GC: variants seen among roughly 807,000 people sequenced by gnomAD.
GC encodes GC vitamin D binding protein, also known as vitamin D-binding protein.
In GC, 43 loss-of-function variants were observed where a neutral mutation model predicts 56.7. The ratio of observed to expected loss-of-function variants is 0.76; its 90% CI spans 0.59 to 0.98. The LOEUF is 0.98. Among genes scored for constraint, GC ranks in the 50% least tolerant of loss-of-function variants. GC has a pLI of 0.00. For missense variants in GC, 529 were observed against 545.9 expected, an observed-to-expected ratio of 0.97 and a Z score of 0.31; for synonymous variants, 216 against 202.7, an observed-to-expected ratio of 1.07 and a Z score of -0.56.
At chr4:71,759,237 G>A (rs990365256) in intron 6 of GC, among the ~76,000 whole-genome samples, 7 of 151,990 alleles carry the variant, frequency 4.6e-5, no homozygotes, top group Non-Finnish European at 1.0e-4. Context: ...GAATAATTCT[G>A]CAGTGAACAT....
rs765263877 is a variant in GC at position 71,763,482 on chromosome 4, T to C, written c.627A>G (p.Leu209=). 2 of 1,599,508 alleles carry C rather than the reference T, an allele frequency of 1.3e-6. No individual in the cohort carries two copies. Among genetic ancestry groups the C allele is most frequent in the Non-Finnish European group, 1.7e-6 (2 of 1,167,148 alleles). ...FLKERLQLKH[L]SLLTTLSNRV... is the part of the protein sequence containing the mutation. Reference sequence around the variant, plus strand: ...TATTTGACAGAGTGGTGAGAAGTGATAAATGTTTAAGCTGGAGTCTCTAGA... The same window carrying C: ...TATTTGACAGAGTGGTGAGAAGTGACAAATGTTTAAGCTGGAGTCTCTAGA... Residue 209 remains leucine (L), a synonymous_variant, in exon 6 of 13, where the codon TTA becomes TTG. Coordinates refer to ENST00000273951, the MANE Select transcript of GC (RefSeq NM_000583.4).
intron 1 of GC, among the ~76,000 whole-genome samples, chr4:71,800,788 T>C (rs748042005): frequency 6.6e-5 from 10 of 152,212 alleles, no homozygotes; most frequent in Admixed American, 1.3e-4. Context: ...TGGCATGTGA[T>C]GGTATCTCAT....
At chr4:71,745,924 G>A (rs1741349116) in intron 12 of GC, among the ~76,000 whole-genome samples, 1 of 151,772 alleles carries the variant, frequency 6.6e-6, no homozygotes, top group African/African-American at 2.4e-5. Flanking sequence ...GAAGCACAAG[G>A]CAGGGGACCA....
intron 12 of GC, among the ~76,000 whole-genome samples, chr4:71,742,997 G>C (rs530191055): frequency 3.3e-5 from 5 of 152,134 alleles, no homozygotes; most frequent in Non-Finnish European, 7.4e-5. Context: ...TGGGGGGTAA[G>C]AGACAGAGAT....
upstream of GC, chr4:71,804,169 G>C (rs971890665): frequency 2.8e-5 from 16 of 574,310 alleles, no homozygotes; most frequent in Non-Finnish European, 4.7e-5. Flanking sequence ...GTCAGACACA[G>C]GTATGCAGTG....
At chr4:71,786,358 G>T (rs1043203582), upstream of GC, among the ~76,000 whole-genome samples, 1 of 151,766 alleles carries the variant, frequency 6.6e-6, no homozygotes, top group South Asian at 2.1e-4. Context: ...GAGGCCTCAT[G>T]TGACAATGAT....
chr4:71,797,977 A>G (rs956802371), intron 1 of GC, among the ~76,000 whole-genome samples: 3 of 152,102 alleles, frequency 2.0e-5, no homozygotes, highest in African/African-American at 7.2e-5. Flanking sequence ...ACATATTCCC[A>G]ATGTTTTGTT....
chr4:71,768,453 A>C lies in GC; in HGVS notation c.129-20T>G. On this transcript the variant is annotated intron_variant, in intron 2 of 12. Coordinates refer to ENST00000273951, the MANE Select transcript of GC (RefSeq NM_000583.4). ...AGTGACCTGAGGGGAAAATAAGACA[A>C]TATATCAATTAGAACTGAAAGGTTT... is the stretch of plus-strand genomic sequence containing the variant. 1 of 1,593,500 alleles carries C rather than the reference A, an allele frequency of 6.3e-7. No homozygotes were observed. Among genetic ancestry groups the C allele is most frequent in the Non-Finnish European group, 8.5e-7 (1 of 1,169,726 alleles).
intron 4 of GC, among the ~76,000 whole-genome samples, chr4:71,764,640 A>AT (rs1201125385): frequency 1.3e-5 from 2 of 152,066 alleles, no homozygotes; most frequent in African/African-American, 4.8e-5. Context: ...TAGATTACTT[A>AT]TTTTTTGGAA....
rs76732050 is a variant in GC, at chr4:71,746,011, G to A, written c.*25+140C>T. ...AAGTGTAAGCTCTTTAACTTTTCTC[G>A]GTGCTTAATATTCTCATCTGTAAAA... On this transcript the variant is annotated intron_variant, in intron 12 of 12. Coordinates refer to ENST00000273951, the MANE Select transcript of GC (RefSeq NM_000583.4). 5.1e-4 allele frequency: 266 copies of A among 520,558 alleles called. 1 individual carries two copies. Among genetic ancestry groups the A allele is most frequent in the African/African-American group, 4.7e-3 (234 of 50,042 alleles). The allele number at this position is 520,558 out of a possible 1,614,324, so 32.2% of individuals were successfully genotyped here.
chr4:71,777,845 A>C (rs1045947204), intron 1 of GC, among the ~76,000 whole-genome samples: 2 of 151,538 alleles, frequency 1.3e-5, no homozygotes, highest in African/African-American at 4.8e-5. Context: ...GTGAGAACAC[A>C]TGGACACAGG....
intron 11 of GC, among the ~76,000 whole-genome samples, chr4:71,749,530 C>T (rs912593643): frequency 1.4e-4 from 21 of 152,186 alleles, no homozygotes; most frequent in Non-Finnish European, 2.2e-4. Context: ...CTTCTTCTTT[C>T]GTAATAACAG....
At chr4:71,778,890 A>AGTTATT (rs141990791) in intron 1 of GC, among the ~76,000 whole-genome samples, 3,998 of 19,652 alleles carry the variant, frequency 0.2, 97 homozygotes, top group Admixed American at 0.38. Context: ...TATTGCTGTC[A>AGTTATT]GTTATTATTA....
At chr4:71,746,772 TAAAAAAAAAAAAA>T in intron 11 of GC, among the ~76,000 whole-genome samples, 1 of 100,648 alleles carries the variant, frequency 9.9e-6, no homozygotes, top group East Asian at 3.3e-4. Context: ...CTCTATTTTG[TAAAAAAAAAAAAA>T]AAAAAAAAAA....
intron 3 of GC, 81 bp downstream of exon 3, chr4:71,768,220 T>G: frequency 8.2e-7 from 1 of 1,226,496 alleles, no homozygotes; most frequent in Non-Finnish European, 1.1e-6. Context: ...CTGTCTAAAA[T>G]TTTTTCAACA....
At chr4:71,776,374 G>A (rs1742507761) in intron 1 of GC, among the ~76,000 whole-genome samples, 1 of 151,810 alleles carries the variant, frequency 6.6e-6, no homozygotes, top group African/African-American at 2.4e-5. Flanking sequence ...GATGACCCTG[G>A]AGAACATTAT....
At position 71,784,027 on chromosome 4, in the gene GC, CA is replaced by C; in HGVS notation, c.-10del. 1 of 1,603,106 alleles carries C rather than the reference CA, an allele frequency of 6.2e-7. No homozygotes were observed. Among genetic ancestry groups the C allele is most frequent in the Non-Finnish European group, 8.5e-7 (1 of 1,173,374 alleles). On this transcript the variant is annotated 5_prime_UTR_variant, in exon 1 of 13. An upstream open reading frame in the 5' UTR gains an earlier in-frame stop. Transcript: ENST00000273951. ...ACCAGGACCCTCTTCATTTTTCTAC[CA>C]GAGAGTCTTGCAGCACCTCCTCTCT... is the stretch of plus-strand genomic sequence containing the variant.
chr4:71,757,149 A>G (rs190630234), intron 7 of GC, among the ~76,000 whole-genome samples: 6 of 152,318 alleles, frequency 3.9e-5, no homozygotes, highest in South Asian at 4.1e-4. Context: ...TTGTAGATAA[A>G]ACGACAACAA....
At chr4:71,797,066 C>G (rs1314700636) in intron 1 of GC, among the ~76,000 whole-genome samples, 2 of 152,134 alleles carry the variant, frequency 1.3e-5, no homozygotes, top group Non-Finnish European at 2.9e-5. Flanking sequence ...AAGCTTTGTC[C>G]CAGAGGGGCA....
Sources: allele counts gnomAD v4.1 joint callset (sites outside exome capture counted in the v4.1 genomes callset), GRCh38; gene constraint gnomAD v4.1.1; transcripts MANE v1.5; gene names NCBI Gene and HGNC (gene_info 2026-07-23, HGNC 2026-07-21).